The following RAD54B variants were observed in gnomAD, a reference collection of about 807,000 sequenced individuals.
RAD54B encodes the protein RAD54 homolog B.
RAD54B carries 78 observed loss-of-function variants against 95.8 expected under a neutral mutation model. The observed-to-expected ratio is 0.81, with a 90% CI of 0.68 to 0.98. The LOEUF is 0.98. Ranked by LOEUF, RAD54B falls within the 50% of genes least tolerant of loss-of-function variation. The probability of loss-of-function intolerance (pLI) is 0.00; values close to 1 mark genes in which losing one functional copy is unlikely to be tolerated. For synonymous variants in RAD54B, 328 were observed against 354.9 expected (o/e 0.92, Z 0.85); for missense variants, 957 against 1,056.6 (o/e 0.91, Z 1.31).
intron 3 of RAD54B, among the ~76,000 whole-genome samples, chr8:94,452,171 C>T (rs991335189): frequency 6.6e-6 from 1 of 152,246 alleles, no homozygotes; most frequent in Admixed American, 6.5e-5. Flanking sequence ...GGGCTTCACC[C>T]TCCTGGCCCA....
intron 3 of RAD54B, chr8:94,430,083 G>A: frequency 2.2e-6 from 2 of 915,334 alleles, no homozygotes; most frequent in Non-Finnish European, 2.6e-6. Flanking sequence ...GGAGGCCGAG[G>A]CGGGCAGATC....
chr8:94,380,448 C>A, intron 11 of RAD54B, 42 bp from the exon 12 acceptor site: 1 of 1,541,020 alleles, frequency 6.5e-7, no homozygotes, highest in Non-Finnish European at 8.7e-7. Context: ...AATTTAAAGG[C>A]AGCATTAGAT....
At chr8:94,447,050 G>A (rs1812539297) in intron 3 of RAD54B, among the ~76,000 whole-genome samples, 1 of 151,926 alleles carries the variant, frequency 6.6e-6, no homozygotes, top group Non-Finnish European at 1.5e-5. Context: ...GTTATTCTCA[G>A]TTACAGCATT....
intron 8 of RAD54B, among the ~76,000 whole-genome samples, chr8:94,396,494 T>C (rs1385701573): frequency 6.6e-6 from 1 of 152,048 alleles, no homozygotes; most frequent in Admixed American, 6.6e-5. Context: ...TATCCTCCTG[T>C]AACCTCCACA....
chr8:94,419,013 C>T (rs76718399), intron 3 of RAD54B, among the ~76,000 whole-genome samples: 2,711 of 152,146 alleles, frequency 0.018, 69 homozygotes, highest in African/African-American at 0.061. Flanking sequence ...GCTAGACTCT[C>T]CTAATTTCAC....
chr8:94,434,345 G>C (rs932033285), intron 3 of RAD54B, among the ~76,000 whole-genome samples: 1 of 151,514 alleles, frequency 6.6e-6, no homozygotes, highest in African/African-American at 2.4e-5. Context: ...AATATAAAAA[G>C]GGAGAAAAAA....
At chr8:94,451,752 C>T (rs1371120704) in intron 3 of RAD54B, among the ~76,000 whole-genome samples, 1 of 152,040 alleles carries the variant, frequency 6.6e-6, no homozygotes, top group African/African-American at 2.4e-5. Context: ...TTGGCCTGTA[C>T]TCCTTAAGTT....
intron 4 of RAD54B, among the ~76,000 whole-genome samples, chr8:94,409,499 TAGTTAG>T (rs2130034499): frequency 6.6e-6 from 1 of 152,014 alleles, no homozygotes; most frequent in Admixed American, 6.6e-5. Context: ...GTCTCCCAAG[TAGTTAG>T]AGTTACAGAT....
rs760119495 is a variant in RAD54B at position 94,380,249 on chromosome 8, TAAAA to T, written c.2139_2142del (p.Phe713LeufsTer5). ...CCAGCTTTTGAACTTAACAAAAAAA[TAAAA>T]AAAGAAGAGTGTTGACTGTTAAAGC... On this transcript the variant is annotated frameshift_variant, in exon 12 of 15. Transcript: ENST00000336148. LOFTEE classifies it high-confidence loss of function. The T allele has an allele frequency of 3.1e-6, 5 of 1,613,788 alleles. No homozygotes were observed. The highest frequency in any genetic ancestry group is 2.2e-5 in the South Asian group (2 of 91,058).
intron 5 of RAD54B, among the ~76,000 whole-genome samples, chr8:94,406,027 C>CACACACATATAT (rs11281421): frequency 6.6e-6 from 1 of 150,418 alleles, no homozygotes; most frequent in African/African-American, 2.4e-5. Flanking sequence ...CACACACACA[C>CACACACATATAT]ATATATATAA....
At chr8:94,461,489 A>G (rs1383932728) in intron 2 of RAD54B, among the ~76,000 whole-genome samples, 2 of 151,666 alleles carry the variant, frequency 1.3e-5, no homozygotes, top group Non-Finnish European at 2.9e-5. Context: ...ATCTTAATAA[A>G]TTTCATGGTT....
At chr8:94,381,106 A>G (rs888246818) in intron 11 of RAD54B, among the ~76,000 whole-genome samples, 3 of 147,700 alleles carry the variant, frequency 2.0e-5, no homozygotes, top group African/African-American at 7.4e-5. Context: ...AGCCTGGACA[A>G]TAGAGCAAGG....
chr8:94,398,544 A>G lies in RAD54B; in HGVS notation c.1378+870T>C, dbSNP rs373243788. ...ACATGCATAAACGACACATGAAGGAAAAAATGACGATGACACAGTAAGAAT... is the reference window on the plus strand; with the variant it reads ...ACATGCATAAACGACACATGAAGGAGAAAATGACGATGACACAGTAAGAAT... On this transcript the variant is annotated intron_variant, in intron 8 of 14. Transcript: ENST00000336148. Among the ~76,000 whole-genome samples the G allele has an allele frequency of 1.2e-3, 183 of 152,254 alleles. 1 individual carries two copies. Among genetic ancestry groups the G allele is most frequent in the African/African-American group, 4.2e-3 (176 of 41,566 alleles).
chr8:94,394,689 T>G (rs1043137500), intron 8 of RAD54B, among the ~76,000 whole-genome samples: 1 of 152,176 alleles, frequency 6.6e-6, no homozygotes, highest in Admixed American at 6.5e-5. Flanking sequence ...ATTAGCATGT[T>G]TCAATAATTA....
chr8:94,391,205 T>A (rs1455875353), intron 10 of RAD54B, among the ~76,000 whole-genome samples: 1 of 152,020 alleles, frequency 6.6e-6, no homozygotes, highest in Non-Finnish European at 1.5e-5. Flanking sequence ...TTATGCACAA[T>A]CATGTATCAC....
intron 3 of RAD54B, among the ~76,000 whole-genome samples, chr8:94,423,770 G>A (rs951576967): frequency 6.6e-6 from 1 of 152,130 alleles, no homozygotes; most frequent in African/African-American, 2.4e-5. Flanking sequence ...CACAAATTTT[G>A]CTGTGTGCAA....
chr8:94,465,636 T>C (rs1414799561), intron 2 of RAD54B, among the ~76,000 whole-genome samples: 2 of 152,148 alleles, frequency 1.3e-5, no homozygotes, highest in East Asian at 1.9e-4. Flanking sequence ...ATTACCATAA[T>C]ACCCAGCAAA....
rs776651582 is a variant in RAD54B, at chr8:94,420,984, C to CA, written c.305-9670dup. Among the ~76,000 whole-genome samples the CA allele has an allele frequency of 8.0e-3, 724 of 90,248 alleles. 4 individuals are homozygous for CA. The highest frequency in any genetic ancestry group is 9.6e-3 in the East Asian group (30 of 3,114). The allele number at this position is 90,248 out of a possible 152,430, so 59.2% of individuals were successfully genotyped here. A position where few individuals can be genotyped will look rare whatever the true frequency, so the allele number is the denominator to read the frequency against. ...TGGGCAATCAAGCGAGACTCAGTCTCAAAAAAAAAAAAAAAAGAGATGTTT... is the reference window on the plus strand; with the variant it reads ...TGGGCAATCAAGCGAGACTCAGTCTCAAAAAAAAAAAAAAAAAGAGATGTTT... On this transcript the variant is annotated intron_variant, in intron 3 of 14. Transcript: ENST00000336148.
At chr8:94,373,891 T>C (rs1167085587) in intron 14 of RAD54B, among the ~76,000 whole-genome samples, 1 of 152,220 alleles carries the variant, frequency 6.6e-6, no homozygotes, top group East Asian at 1.9e-4. Context: ...TAAACACTTC[T>C]TTGAAATTTT....
Sources: gnomAD v4.1 joint callset for allele counts (sites outside exome capture counted in the v4.1 genomes callset) on GRCh38, gnomAD v4.1.1 for gene constraint, MANE v1.5 for transcripts, NCBI Gene and HGNC (gene_info 2026-07-23, HGNC 2026-07-21) for gene names.